Variants in RPS6KA5 observed in about 807,000 individuals in gnomAD.
RPS6KA5 encodes ribosomal protein S6 kinase A5.
Under a neutral mutation model 85.5 loss-of-function variants are expected in RPS6KA5, and 27 were observed. The observed-to-expected ratio is 0.32, with a 90% CI of 0.23 to 0.44. The LOEUF is 0.44. Ranked by LOEUF, RPS6KA5 falls within the 20% of genes least tolerant of loss-of-function variation. RPS6KA5 has a pLI of 1.00. For missense variants in RPS6KA5, 811 were observed against 980.9 expected (o/e 0.83, Z 2.31); for synonymous variants, 334 against 348.2 (o/e 0.96, Z 0.46).
chr14:90,873,279 T>A (rs1289825414), intron 16 of RPS6KA5, among the ~76,000 whole-genome samples: 7 of 152,216 alleles, frequency 4.6e-5, no homozygotes, highest in African/African-American at 1.7e-4. Context: ...ACTAAATGGT[T>A]GTAAAATGAA....
At chr14:91,001,217 T>C in intron 1 of RPS6KA5, 58 bp from the exon 2 acceptor site, 2 of 1,077,996 alleles carry the variant, frequency 1.9e-6, no homozygotes, top group Non-Finnish European at 2.8e-6. Context: ...AGGAGGCTCC[T>C]GGGGGATTCT....
chr14:90,891,808 G>A (rs2034578409), intron 13 of RPS6KA5, among the ~76,000 whole-genome samples: 1 of 152,172 alleles, frequency 6.6e-6, no homozygotes, highest in Non-Finnish European at 1.5e-5. Context: ...GGCTGGGGTT[G>A]ATGGATGCGT....
At chr14:90,992,041 C>A (rs2040330920) in intron 2 of RPS6KA5, among the ~76,000 whole-genome samples, 1 of 152,030 alleles carries the variant, frequency 6.6e-6, no homozygotes, top group South Asian at 2.1e-4. Context: ...GAAAACCTTA[C>A]ATGACACATG....
At chr14:90,989,422 T>C (rs761013982) in intron 2 of RPS6KA5, among the ~76,000 whole-genome samples, 95 of 152,186 alleles carry the variant, frequency 6.2e-4, no homozygotes, top group Non-Finnish European at 1.1e-3. Context: ...CATGGCAAAA[T>C]TTTTCTTTTT....
intron 2 of RPS6KA5, among the ~76,000 whole-genome samples, chr14:90,983,328 C>T (rs2039888830): frequency 6.7e-6 from 1 of 150,026 alleles, no homozygotes. Flanking sequence ...AGTATGGGCA[C>T]AGTGGCTCAT....
intron 2 of RPS6KA5, among the ~76,000 whole-genome samples, chr14:90,987,733 T>A (rs548259693): frequency 8.0e-5 from 12 of 150,840 alleles, no homozygotes; most frequent in Middle Eastern, 3.4e-3. Flanking sequence ...CAACAAAGGA[T>A]ATCCACATAA....
rs2032449511 is a variant in RPS6KA5 at position 90,859,691 on chromosome 14, C to T, written c.*12383G>A. 6.6e-6 allele frequency: 1 copy of T among 152,204 alleles called. No homozygotes were observed. The highest frequency in any genetic ancestry group is 2.1e-4 in the South Asian group (1 of 4,816). 9.4% of individuals were successfully genotyped at this position (152,204 alleles called of 1,614,324 possible). A position where few individuals can be genotyped will look rare whatever the true frequency, so the allele number is the denominator to read the frequency against. ...AACAGACATATGGAACATAGTATAA[C>T]ACACAATCCTAGAAAACGGGAGAGA... On this transcript the variant is annotated 3_prime_UTR_variant, in exon 17 of 17. Coordinates refer to ENST00000614987, the MANE Select transcript of RPS6KA5 (RefSeq NM_004755.4).
At chr14:90,978,626 TAAAGGAA>T in intron 2 of RPS6KA5, 102 bp from the exon 3 acceptor site, 2 of 867,712 alleles carry the variant, frequency 2.3e-6, no homozygotes, top group Non-Finnish European at 3.4e-6. Context: ...ATACACTCTT[TAAAGGAA>T]AAAGTACCCT....
intron 14 of RPS6KA5, among the ~76,000 whole-genome samples, chr14:90,889,294 C>CAAAAAA (rs11450327): frequency 1.5e-4 from 11 of 71,218 alleles, no homozygotes; most frequent in East Asian, 3.8e-4. Flanking sequence ...ACTTTGTCTC[C>CAAAAAA]AAAAAAAAAA....
chr14:90,977,290 C>A (rs1208837775), intron 3 of RPS6KA5, among the ~76,000 whole-genome samples: 3 of 152,158 alleles, frequency 2.0e-5, no homozygotes, highest in Admixed American at 1.3e-4. Context: ...AAGCACGGGA[C>A]CAAAATGGTA....
intron 1 of RPS6KA5, among the ~76,000 whole-genome samples, chr14:91,029,748 G>C (rs1436261225): frequency 1.3e-5 from 2 of 152,050 alleles, no homozygotes; most frequent in African/African-American, 4.8e-5. Flanking sequence ...ACATTGTAAG[G>C]ATTAAATAAG....
chr14:90,968,808 A>G (rs2039193182), intron 3 of RPS6KA5, among the ~76,000 whole-genome samples: 1 of 152,252 alleles, frequency 6.6e-6, no homozygotes, highest in Admixed American at 6.5e-5. Context: ...CTGATATATT[A>G]GCAACTTGTA....
Position 90,900,690 on chromosome 14 carries a change from G to A in RPS6KA5, c.1166C>T (p.Ala389Val), listed in dbSNP as rs771959307. The A allele has an allele frequency of 6.2e-7, 1 of 1,613,622 alleles. No homozygotes were observed. Among genetic ancestry groups the A allele is most frequent in the Non-Finnish European group, 8.5e-7 (1 of 1,179,606 alleles). ...APSILFKRNA[A>V]VIDPLQFHMG... ...GTGAAACTGAAGAGGGTCTATGACA[G>A]CTGCATTACGCTTGAATAGGATGGA... The change falls in exon 10 of 17, where the codon GCT (alanine) becomes GTT (valine). Residue 389 changes from alanine (A) to valine (V), a missense_variant. By Grantham distance (64) the Ala-to-Val change is moderately conservative. Coordinates refer to ENST00000614987, the MANE Select transcript of RPS6KA5 (RefSeq NM_004755.4).
At chr14:90,925,230 C>T (rs1225832420) in intron 5 of RPS6KA5, among the ~76,000 whole-genome samples, 1 of 152,086 alleles carries the variant, frequency 6.6e-6, no homozygotes, top group Non-Finnish European at 1.5e-5. Context: ...TCTCAGCAAT[C>T]CAGAAACTTG....
At chr14:90,879,254 G>A (rs1442741405) in intron 14 of RPS6KA5, among the ~76,000 whole-genome samples, 1 of 149,666 alleles carries the variant, frequency 6.7e-6, no homozygotes, top group Admixed American at 6.8e-5. Context: ...CAGAACGCAT[G>A]AGTAAATAAC....
intron 2 of RPS6KA5, among the ~76,000 whole-genome samples, chr14:90,991,701 C>CAAAAAAAAA (rs57545603): frequency 5.8e-5 from 5 of 86,004 alleles, no homozygotes; most frequent in Non-Finnish European, 8.4e-5. Flanking sequence ...GACTCCATCT[C>CAAAAAAAAA]AAAAAAAAAA....
chr14:90,929,995 C>T (rs77977669), intron 5 of RPS6KA5, among the ~76,000 whole-genome samples: 17,037 of 152,130 alleles, frequency 0.11, 1,266 homozygotes, highest in East Asian at 0.32. Context: ...CTCAGCTTCC[C>T]GAGCAGCTGG....
intron 1 of RPS6KA5, among the ~76,000 whole-genome samples, chr14:91,007,744 T>C (rs1257330846): frequency 1.3e-5 from 2 of 151,844 alleles, no homozygotes; most frequent in East Asian, 3.9e-4. Flanking sequence ...CTAGTAGATA[T>C]GAGGTGGTGA....
intron 2 of RPS6KA5, 30 bp from the exon 3 acceptor site, chr14:90,978,554 T>A (rs745396777): frequency 1.3e-6 from 2 of 1,513,394 alleles, no homozygotes; most frequent in South Asian, 2.5e-5. Context: ...ATAAAAAGAA[T>A]TAAAATGCTA....
Sources: gnomAD v4.1 joint callset for allele counts (sites outside exome capture counted in the v4.1 genomes callset) on GRCh38, gnomAD v4.1.1 for gene constraint, MANE v1.5 for transcripts, NCBI Gene and HGNC (gene_info 2026-07-23, HGNC 2026-07-21) for gene names.